Variants in CREB3L4 observed in about 807,000 individuals in gnomAD.
CREB3L4 encodes cAMP responsive element binding protein 3 like 4.
Under a neutral mutation model 37.0 loss-of-function variants are expected in CREB3L4, and 28 were observed. The observed-to-expected ratio is 0.76, with a 90% CI of 0.56 to 1.04. The LOEUF is 1.04. CREB3L4 is among the 50% of genes least tolerant of loss of function. The pLI is 0.00. For synonymous variants in CREB3L4, 175 were observed against 192.2 expected (o/e 0.91, Z 0.74); for missense variants, 462 against 486.0 (o/e 0.95, Z 0.46).
At chr1:153,972,243 C>G (rs1648445580) in intron 4 of CREB3L4, among the ~76,000 whole-genome samples, 2 of 152,196 alleles carry the variant, frequency 1.3e-5, no homozygotes, top group South Asian at 4.1e-4. Context: ...TGAGAGGGGA[C>G]AGAACCTGAG....
At chr1:153,971,525 T>C (rs1648365333) in intron 4 of CREB3L4, among the ~76,000 whole-genome samples, 1 of 150,376 alleles carries the variant, frequency 6.6e-6, no homozygotes, top group Non-Finnish European at 1.5e-5. Context: ...TGTCTTGACC[T>C]CCCAAAGTGC....
chr1:153,973,224 A>T lies in CREB3L4; in HGVS notation c.773A>T (p.Glu258Val). The T allele has an allele frequency of 2.5e-6, 4 of 1,614,072 alleles. No homozygotes were observed. The highest frequency in any genetic ancestry group is 3.4e-6 in the Non-Finnish European group (4 of 1,180,024). The change falls in exon 7 of 10, where the codon GAA (glutamate) becomes GTA (valine). Residue 258 changes from glutamate to valine, a missense_variant. By Grantham distance (121) the Glu-to-Val change is moderately radical (BLOSUM62 -2). Transcript: ENST00000368607. Reference sequence around the variant, plus strand: ...GCAGCCTGTTCTGCACAGAACCAAGAATTACAGAAAAAAGTCCAGGAGCTG... The same window carrying T: ...GCAGCCTGTTCTGCACAGAACCAAGTATTACAGAAAAAAGTCCAGGAGCTG... ...RVAACSAQNQ[E>V]LQKKVQELER...
In CREB3L4 at chr1:153,974,105, G is replaced by T; in HGVS notation, c.*40G>T. 2 of 1,586,872 alleles carry T rather than the reference G, an allele frequency of 1.3e-6. No homozygotes were observed. The highest frequency in any genetic ancestry group is 2.3e-5 in the South Asian group (2 of 88,778). On this transcript the variant is annotated 3_prime_UTR_variant, in exon 10 of 10. Transcript: ENST00000368607. ...TCCTGGCCCACTTCCTGATCACAAG[G>T]AATCCTGGGCTTCCTTATGGCTTTG...
chr1:153,969,600 ATGAACAGT>A, intron 4 of CREB3L4, 145 bp downstream of exon 4: 1 of 866,542 alleles, frequency 1.2e-6, no homozygotes, highest in Non-Finnish European at 1.8e-6. Context: ...CCAAGGAGAC[ATGAACAGT>A]TGAACTATTT....
rs777750105 is a variant in CREB3L4 at position 153,968,931 on chromosome 1, G to A, written c.176G>A (p.Gly59Asp). ...ATATATAACCTTTTCCTACTGTAGG[G>A]CCTTCAAGAGAGTGAGCCTGAAGAT... ...GWKSGGDRGC[G>D]LQESEPEDFL... Residue 59 changes from glycine to aspartate, a missense_variant and splice_region_variant, in exon 3 of 10, where the codon GGC becomes GAC. Gly to Asp is a moderately conservative substitution (Grantham distance 94, BLOSUM62 -1). Transcript: ENST00000368607. 1 of 1,607,926 alleles carries A rather than the reference G, an allele frequency of 6.2e-7. No homozygotes were observed. Among genetic ancestry groups the A allele is most frequent in the African/African-American group, 1.3e-5 (1 of 74,858 alleles).
chr1:153,973,788 G>A, intron 9 of CREB3L4, 72 bp downstream of exon 9: 3 of 1,561,338 alleles, frequency 1.9e-6, no homozygotes, highest in South Asian at 1.1e-5. Flanking sequence ...AGGTCGTCAA[G>A]AAGCAAGAGG....
Position 153,973,967 on chromosome 1 carries a change from G to A in CREB3L4, c.1090G>A (p.Asp364Asn), listed in dbSNP as rs1176694241. Residue 364 changes from aspartate (D) to asparagine (N), a missense_variant, in exon 10 of 10, where the codon GAT becomes AAT. Coordinates refer to ENST00000368607, the MANE Select transcript of CREB3L4 (RefSeq NM_001255978.2). ...ACTGAGGGAGCCACCTGGAGCCAAG[G>A]ATGCAAATGGCTCAACAAGGACACT... The part of the protein sequence containing the change: ...SRLREPPGAK[D>N]ANGSTRTLLE... 2 of 1,614,176 alleles carry A rather than the reference G, an allele frequency of 1.2e-6. No homozygotes were observed. Among genetic ancestry groups the A allele is most frequent in the South Asian group, 1.1e-5 (1 of 91,088 alleles).
intron 6 of CREB3L4, 47 bp downstream of exon 6, chr1:153,973,125 C>A: frequency 6.2e-7 from 1 of 1,609,540 alleles, no homozygotes; most frequent in South Asian, 1.1e-5. Context: ...GTCTGGGCCC[C>A]TTCCTCACCA....
Position 153,973,678 on chromosome 1 carries a change from G to A in CREB3L4, c.956G>A (p.Arg319Gln), listed in dbSNP as rs764272794. The change falls in exon 9 of 10, where the codon CGA (arginine) becomes CAA (glutamine). Residue 319 changes from arginine (R) to glutamine (Q), a missense_variant. Physicochemically the swap from Arg to Gln is conservative, Grantham distance 43. Transcript: ENST00000368607. Reference protein sequence around the residue: ...ILPSFSPFQSRPEAGSEDYQP... With the variant: ...ILPSFSPFQSQPEAGSEDYQP... ...CCCAGCTTCAGTCCATTCCAGAGTC[G>A]ACCAGAAGCTGGGTCTGAGGATTAC... The A allele has an allele frequency of 1.2e-5, 20 of 1,608,536 alleles. 1 individual carries two copies. The highest frequency in any genetic ancestry group is 1.0e-4 in the South Asian group (9 of 90,128).
In CREB3L4 at chr1:153,973,075, G is replaced by T. The variant is rs772905135; in HGVS notation, c.740G>T (p.Ser247Ile). ...AAGGAGTACATTGATGGGCTGGAGA[G>T]CAGGTACGCCTGGGTTATTTCTGGC... is the stretch of plus-strand genomic sequence containing the variant. ...RKKEYIDGLESRVAACSAQNQ... is the reference protein window; with the variant it reads ...RKKEYIDGLEIRVAACSAQNQ... Residue 247 changes from serine (S) to isoleucine (I), a missense_variant, in exon 6 of 10, where the codon AGC (serine) becomes ATC (isoleucine). Ser to Ile is a moderately radical substitution (Grantham distance 142). Coordinates refer to ENST00000368607, the MANE Select transcript of CREB3L4 (RefSeq NM_001255978.2). 6.2e-7 allele frequency: 1 copy of T among 1,614,092 alleles called. No homozygotes were observed. Among genetic ancestry groups the T allele is most frequent in the Non-Finnish European group, 8.5e-7 (1 of 1,179,944 alleles).
intron 4 of CREB3L4, among the ~76,000 whole-genome samples, chr1:153,971,463 C>G (rs1648359621): frequency 6.6e-6 from 1 of 151,888 alleles, no homozygotes; most frequent in African/African-American, 2.4e-5. Context: ...TAGAGACAGT[C>G]TCACTATGTT....
chr1:153,973,316 CA>C (rs1429422520), intron 7 of CREB3L4, 53 bp downstream of exon 7: 2 of 1,609,532 alleles, frequency 1.2e-6, no homozygotes, highest in African/African-American at 2.7e-5. Context: ...GTACAGCACA[CA>C]GGGGTGCCAT....
chr1:153,968,194 G>C (rs1647945896), intron 1 of CREB3L4, 30 bp downstream of exon 1: 2 of 205,618 alleles, frequency 9.7e-6, no homozygotes, highest in East Asian at 1.2e-4. Flanking sequence ...TGTAAGGCTG[G>C]GGGCGGGGTT....
chr1:153,968,768 A>C, intron 2 of CREB3L4, 69 bp downstream of exon 2: 1 of 1,591,042 alleles, frequency 6.3e-7, no homozygotes, highest in African/African-American at 1.3e-5. Flanking sequence ...TTCAGCTCCC[A>C]CTTGGAGACA....
chr1:153,973,277 T>C lies in CREB3L4; in HGVS notation c.812+14T>C, dbSNP rs1648578542. On this transcript the variant is annotated intron_variant, in intron 7 of 9. Transcript: ENST00000368607. ...GAGGCACAACATGTGAGTGAAAGCA[T>C]TGTGTGTGTATGTGTGTTTTGAAGG... 1 of 1,613,892 alleles carries C rather than the reference T, an allele frequency of 6.2e-7. No individual in the cohort carries two copies. The highest frequency in any genetic ancestry group is 8.5e-7 in the Non-Finnish European group (1 of 1,179,812).
intron 4 of CREB3L4, among the ~76,000 whole-genome samples, chr1:153,972,120 G>A (rs971686080): frequency 6.6e-6 from 1 of 152,190 alleles, no homozygotes; most frequent in African/African-American, 2.4e-5. Flanking sequence ...ACTGTGCCCG[G>A]CCACATACAT....
chr1:153,972,375 CAT>C (rs1034780665), intron 4 of CREB3L4, among the ~76,000 whole-genome samples: 8 of 152,188 alleles, frequency 5.3e-5, no homozygotes, highest in South Asian at 2.1e-4. Context: ...GAAAGTGAAT[CAT>C]GTGCTTGCTG....
chr1:153,972,020 G>A (rs1289889435), intron 4 of CREB3L4, among the ~76,000 whole-genome samples: 2 of 152,080 alleles, frequency 1.3e-5, no homozygotes, highest in East Asian at 3.9e-4. Context: ...ATTGGGTTTT[G>A]CCATGTTGGC....
In CREB3L4 at chr1:153,968,948, C is replaced by G; in HGVS notation, c.193C>G (p.Pro65Ala). The G allele has an allele frequency of 1.9e-6, 3 of 1,612,104 alleles. No homozygotes were observed. Among genetic ancestry groups the G allele is most frequent in the Non-Finnish European group, 2.5e-6 (3 of 1,178,794 alleles). The change falls in exon 3 of 10, where the codon CCT becomes GCT. Residue 65 changes from proline to alanine, a missense_variant. By Grantham distance (27) the Pro-to-Ala change is conservative. Coordinates refer to ENST00000368607, the MANE Select transcript of CREB3L4 (RefSeq NM_001255978.2). ...ACTGTAGGGCCTTCAAGAGAGTGAG[C>G]CTGAAGATTTCTTGAAGCTTTTCAT... ...DRGCGLQESE[P>A]EDFLKLFIDP...
Sources: allele counts gnomAD v4.1 joint callset (sites outside exome capture counted in the v4.1 genomes callset), GRCh38; gene constraint gnomAD v4.1.1; transcripts MANE v1.5; gene names NCBI Gene and HGNC (gene_info 2026-07-23, HGNC 2026-07-21).